Variants in PTCHD4 observed in about 807,000 individuals in gnomAD.
PTCHD4 encodes the protein patched domain containing 4.
In PTCHD4, 33 loss-of-function variants were observed where a neutral mutation model predicts 58.1. The ratio of observed to expected loss-of-function variants is 0.57; its 90% CI spans 0.43 to 0.76. The LOEUF (loss-of-function observed/expected upper bound fraction) is 0.76. Among genes scored for constraint, PTCHD4 ranks in the 30% least tolerant of loss-of-function variants. The pLI is 0.00. For synonymous variants in PTCHD4, 478 were observed against 409.6 expected (o/e 1.17, Z -2.02); for missense variants, 1,058 against 1,027.1 (o/e 1.03, Z -0.41).
chr6:47,996,633 C>T (rs146330367), intron 4 of PTCHD4, among the ~76,000 whole-genome samples: 74 of 152,222 alleles, frequency 4.9e-4, no homozygotes, highest in Admixed American at 1.5e-3. Flanking sequence ...GTCCTGATGA[C>T]TACTTTCTTA....
intron 4 of PTCHD4, among the ~76,000 whole-genome samples, chr6:47,941,605 G>T (rs1327095505): frequency 6.6e-6 from 1 of 152,164 alleles, no homozygotes; most frequent in African/African-American, 2.4e-5. Context: ...CTAGAAAGAT[G>T]CAAAATACTC....
chr6:47,915,313 T>C (rs1217633568), intron 4 of PTCHD4, among the ~76,000 whole-genome samples: 1 of 152,172 alleles, frequency 6.6e-6, no homozygotes, highest in Non-Finnish European at 1.5e-5. Context: ...ATTTATGTAT[T>C]AGGTTTATAT....
intron 3 of PTCHD4, among the ~76,000 whole-genome samples, chr6:48,061,399 T>C (rs1764621242): frequency 6.6e-6 from 1 of 152,206 alleles, no homozygotes. Flanking sequence ...GATAACACCA[T>C]GATAAACGAT....
At chr6:47,922,376 C>T (rs906205568) in intron 4 of PTCHD4, among the ~76,000 whole-genome samples, 1 of 152,142 alleles carries the variant, frequency 6.6e-6, no homozygotes, top group Admixed American at 6.5e-5. Context: ...ATCTCCATTC[C>T]TTTCTCTCTT....
rs962488746 is a variant in PTCHD4 at position 47,881,656 on chromosome 6, G to T, written c.899-1720C>A. Among the ~76,000 whole-genome samples the T allele has an allele frequency of 2.0e-5, 3 of 152,126 alleles. 1 individual carries two copies. Among genetic ancestry groups the T allele is most frequent in the African/African-American group, 4.8e-5 (2 of 41,444 alleles). On this transcript the variant is annotated intron_variant, in intron 4 of 4. Coordinates refer to ENST00000339488, the MANE Select transcript of PTCHD4 (RefSeq NM_001384253.1). Reference sequence around the variant, plus strand: ...CAAAACCTCTTTTAAGATGATCTAAGAATTCTTGCTTCATAGTTAATTTGA... The same window carrying T: ...CAAAACCTCTTTTAAGATGATCTAATAATTCTTGCTTCATAGTTAATTTGA...
rs1763361013 is a variant in PTCHD4, at chr6:47,859,082, T to G, written c.*19221A>C. Among the ~76,000 whole-genome samples, 1 of 152,080 alleles carries G rather than the reference T, an allele frequency of 6.6e-6. No individual in the cohort carries two copies. ...TTCCTGAGCATCAGATAATATATTT[T>G]ATTCACGCTTATGTCAGGGTAACTT... On this transcript the variant is annotated 3_prime_UTR_variant, in exon 5 of 5. Coordinates refer to ENST00000339488, the MANE Select transcript of PTCHD4 (RefSeq NM_001384253.1).
At chr6:48,095,265 A>C (rs189830685) in intron 1 of PTCHD4, among the ~76,000 whole-genome samples, 3 of 152,362 alleles carry the variant, frequency 2.0e-5, no homozygotes, top group South Asian at 2.1e-4. Context: ...ATTTACACTA[A>C]AAATGTATAG....
Position 47,868,533 on chromosome 6 carries a change from G to T in PTCHD4, c.*9770C>A, listed in dbSNP as rs1219497788. On this transcript the variant is annotated 3_prime_UTR_variant, in exon 5 of 5. Coordinates refer to ENST00000339488, the MANE Select transcript of PTCHD4 (RefSeq NM_001384253.1). ...CTTTTATATTTTTCTTCACTGAATG[G>T]ATAATTACTGAACGTCTGCAAAGCA... 6.6e-6 allele frequency among the ~76,000 whole-genome samples: 1 copy of T among 151,728 alleles called. No individual in the cohort carries two copies. Among genetic ancestry groups the T allele is most frequent in the African/African-American group, 2.4e-5 (1 of 41,388 alleles).
At chr6:47,976,688 AAATAAAT>A (rs1561987020) in intron 4 of PTCHD4, among the ~76,000 whole-genome samples, 34 of 151,012 alleles carry the variant, frequency 2.3e-4, no homozygotes, top group Admixed American at 5.3e-4. Context: ...ATAAATAAAT[AAATAAAT>A]AAAAATATAA....
At chr6:48,004,298 T>C (rs1225829970) in intron 4 of PTCHD4, among the ~76,000 whole-genome samples, 1 of 152,178 alleles carries the variant, frequency 6.6e-6, no homozygotes, top group African/African-American at 2.4e-5. Flanking sequence ...TGTCCTGTGG[T>C]GTCAAGCTGA....
At chr6:47,880,742 A>G (rs764511924) in intron 4 of PTCHD4, among the ~76,000 whole-genome samples, 1 of 152,256 alleles carries the variant, frequency 6.6e-6, no homozygotes, top group East Asian at 1.9e-4. Flanking sequence ...AAGTAGGCAA[A>G]AGGCTTAGTC....
In PTCHD4 at chr6:47,879,923, T is replaced by G; in HGVS notation, c.912A>C (p.Lys304Asn). The part of the protein sequence containing the change: ...IPFFAMGHGT[K>N]GVFELLSGWR... ...ATCCGGACAGAAGCTCAAACACTCC[T>G]TTAGTTCCATGACCTAATGTTTTAA... is the stretch of plus-strand genomic sequence containing the variant. Residue 304 changes from lysine to asparagine, a missense_variant, in exon 5 of 5, where the codon AAA (lysine) becomes AAC (asparagine). Coordinates refer to ENST00000339488, the MANE Select transcript of PTCHD4 (RefSeq NM_001384253.1). The G allele has an allele frequency of 6.5e-7, 1 of 1,544,394 alleles. No individual in the cohort carries two copies. The highest frequency in any genetic ancestry group is 8.7e-7 in the Non-Finnish European group (1 of 1,145,976).
At chr6:47,996,123 T>G (rs1768476839) in intron 4 of PTCHD4, among the ~76,000 whole-genome samples, 1 of 152,200 alleles carries the variant, frequency 6.6e-6, no homozygotes, top group South Asian at 2.1e-4. Flanking sequence ...AAACTAAATC[T>G]TTACGGAAAC....
In PTCHD4 at chr6:47,878,171, A is replaced by T. The variant is rs903981093; in HGVS notation, c.*132T>A. On this transcript the variant is annotated 3_prime_UTR_variant, in exon 5 of 5. Transcript: ENST00000339488. The stretch of plus-strand genomic sequence containing the variant: ...CAAGAAGCAGGCACCTTGAAGTGTC[A>T]TGAATAATGCACTCTTGATCTGACT... The T allele has an allele frequency of 5.4e-6, 4 of 747,472 alleles. No individual in the cohort carries two copies. In the African/African-American group the frequency reaches 7.1e-5, roughly 13 times the overall value. 46.3% of individuals were successfully genotyped at this position (747,472 alleles called of 1,614,324 possible).
intron 4 of PTCHD4, among the ~76,000 whole-genome samples, chr6:47,993,886 A>T (rs910335314): frequency 3.9e-5 from 6 of 152,192 alleles, no homozygotes; most frequent in Admixed American, 2.0e-4. Flanking sequence ...CAATGGAAAA[A>T]CAAAACAGAA....
At chr6:48,089,219 T>C (rs1278586675) in intron 1 of PTCHD4, among the ~76,000 whole-genome samples, 2 of 152,196 alleles carry the variant, frequency 1.3e-5, no homozygotes, top group Non-Finnish European at 2.9e-5. Context: ...CAGAAGAATT[T>C]ACCATGTCTG....
intron 3 of PTCHD4, among the ~76,000 whole-genome samples, chr6:48,050,104 G>A (rs934913417): frequency 1.3e-5 from 2 of 151,840 alleles, no homozygotes; most frequent in Non-Finnish European, 2.9e-5. Context: ...AATAGAAAAA[G>A]GAATAATGGA....
In PTCHD4 at chr6:48,009,056, C is replaced by T; in HGVS notation, c.476G>A (p.Ser159Asn). The T allele has an allele frequency of 6.2e-7, 1 of 1,613,840 alleles. No homozygotes were observed. The highest frequency in any genetic ancestry group is 8.5e-7 in the Non-Finnish European group (1 of 1,179,838). ...QLGGVVEVPN[S>N]KDQRVKSARA... ...GGCTGACTTGACCCGCTGATCTTTG[C>T]TGTTTGGCACTTCCACTACCCCGCC... is the stretch of plus-strand genomic sequence containing the variant. The change falls in exon 4 of 5, where the codon AGC becomes AAC. Residue 159 changes from serine (S) to asparagine (N), a missense_variant. Coordinates refer to ENST00000339488, the MANE Select transcript of PTCHD4 (RefSeq NM_001384253.1).
intron 1 of PTCHD4, among the ~76,000 whole-genome samples, chr6:48,093,227 T>C (rs529696761): frequency 1.3e-5 from 2 of 152,296 alleles, no homozygotes; most frequent in African/African-American, 4.8e-5. Flanking sequence ...AAAAGGAACT[T>C]CAGAGATCAT....
Sources: gnomAD v4.1 joint callset for allele counts (sites outside exome capture counted in the v4.1 genomes callset) on GRCh38, gnomAD v4.1.1 for gene constraint, MANE v1.5 for transcripts, NCBI Gene and HGNC (gene_info 2026-07-23, HGNC 2026-07-21) for gene names.